The following TRAIP variants were observed in gnomAD, a reference collection of about 807,000 sequenced individuals.
TRAIP encodes E3 ubiquitin-protein ligase TRAIP.
In TRAIP, 37 loss-of-function variants were observed where a neutral mutation model predicts 65.0. The observed-to-expected ratio is 0.57, with a 90% CI of 0.44 to 0.75. TRAIP has a LOEUF of 0.75. Ranked by LOEUF, TRAIP falls within the 30% of genes least tolerant of loss-of-function variation. The pLI, the probability that TRAIP is intolerant of heterozygous loss-of-function variation, is 0.00. For synonymous variants in TRAIP, 187 were observed against 219.1 expected, an observed-to-expected ratio of 0.85 and a Z score of 1.29; for missense variants, 481 against 579.4, an observed-to-expected ratio of 0.83 and a Z score of 1.74.
chr3:49,832,135 A>G lies in TRAIP; in HGVS notation c.885-67T>C. The stretch of plus-strand genomic sequence containing the variant: ...AACCCAGGACAACAGCTCCTGAAGC[A>G]TCAGAGATAACTCAGCTCCAGGGAC... On this transcript the variant is annotated intron_variant, in intron 10 of 14. Transcript: ENST00000331456. The G allele has an allele frequency of 2.7e-6, 4 of 1,460,944 alleles. No individual in the cohort carries two copies. The East Asian group carries it at 1.0e-4, about 37-fold the overall frequency. The allele number at this position is 1,460,944 out of a possible 1,614,324, so 90.5% of individuals were successfully genotyped here.
At chr3:49,852,132 G>A (rs1385675236) in intron 1 of TRAIP, among the ~76,000 whole-genome samples, 1 of 151,546 alleles carries the variant, frequency 6.6e-6, no homozygotes, top group Non-Finnish European at 1.5e-5. Context: ...ACTTTGGGAG[G>A]CCGAGGCGGG....
intron 5 of TRAIP, chr3:49,843,592 A>T: frequency 1.7e-6 from 1 of 591,380 alleles, no homozygotes; most frequent in Non-Finnish European, 2.9e-6. Context: ...TACAAAACCC[A>T]CAAGTATAGC....
intron 10 of TRAIP, among the ~76,000 whole-genome samples, chr3:49,834,190 G>A (rs1292361751): frequency 2.6e-5 from 4 of 152,196 alleles, no homozygotes; most frequent in Non-Finnish European, 5.9e-5. Flanking sequence ...CTAGCCTGGA[G>A]TTCAGGGGCC....
At position 49,828,950 on chromosome 3, in the gene TRAIP, C is replaced by A; in HGVS notation, c.*153G>T. On this transcript the variant is annotated 3_prime_UTR_variant, in exon 15 of 15. Transcript: ENST00000331456. ...GCAGGGTGAGGGCAGGAAGAGCAGT[C>A]TCTGGGTGCCACACTCACCCTCACC... The A allele has an allele frequency of 4.8e-6, 5 of 1,038,332 alleles. No individual in the cohort carries two copies. The highest frequency in any genetic ancestry group is 7.2e-6 in the Non-Finnish European group (5 of 691,482). 64.3% of individuals were successfully genotyped at this position (1,038,332 alleles called of 1,614,324 possible). A position where few individuals can be genotyped will look rare whatever the true frequency, so the allele number is the denominator to read the frequency against.
chr3:49,838,529 G>A (rs569472382), intron 10 of TRAIP, among the ~76,000 whole-genome samples: 3 of 152,216 alleles, frequency 2.0e-5, no homozygotes, highest in Non-Finnish European at 4.4e-5. Flanking sequence ...CCATGCAGTG[G>A]GCACTCATCA....
chr3:49,849,945 C>T (rs1011399862), intron 1 of TRAIP, among the ~76,000 whole-genome samples: 1 of 148,108 alleles, frequency 6.8e-6, no homozygotes, highest in African/African-American at 2.5e-5. Flanking sequence ...CTCCCAGGCT[C>T]GAGCAATCCT....
rs2081705323 is a variant in TRAIP at position 49,828,812 on chromosome 3, A to G, written c.*291T>C. The G allele has an allele frequency of 5.5e-6, 2 of 363,128 alleles. No individual in the cohort carries two copies. Among genetic ancestry groups the G allele is most frequent in the Admixed American group, 7.3e-5 (2 of 27,390 alleles). The allele number at this position is 363,128 out of a possible 1,614,324, so 22.5% of individuals were successfully genotyped here. On this transcript the variant is annotated 3_prime_UTR_variant, in exon 15 of 15. Transcript: ENST00000331456. Reference sequence around the variant, plus strand: ...AAGTGACCGTGGTCTCCAGGCCCAGAAAGAGTCTGACCACATCTGATCATG... The same window carrying G: ...AAGTGACCGTGGTCTCCAGGCCCAGGAAGAGTCTGACCACATCTGATCATG...
rs756300840 is a variant in TRAIP, at chr3:49,841,065, C to T, written c.625G>A (p.Glu209Lys). ...GCCTTCCGTGCCTCTTTTAGATTCTCGTACTCTCTGCAATGTGGCCATGGA... is the reference window on the plus strand; with the variant it reads ...GCCTTCCGTGCCTCTTTTAGATTCTTGTACTCTCTGCAATGTGGCCATGGA... ...VYCVSLKKEY[E>K]NLKEARKASG... The change falls in exon 8 of 15, where the codon GAG (glutamate) becomes AAG (lysine). Residue 209 changes from glutamate (E) to lysine (K), a missense_variant. By Grantham distance (56) the Glu-to-Lys change is moderately conservative. Transcript: ENST00000331456. 36 of 1,614,130 alleles carry T rather than the reference C, an allele frequency of 2.2e-5. No individual in the cohort carries two copies. The highest frequency in any genetic ancestry group is 1.7e-4 in the Middle Eastern group (1 of 6,060).
intron 10 of TRAIP, 25 bp downstream of exon 10, chr3:49,839,747 C>G (rs761631853): frequency 6.2e-7 from 1 of 1,607,516 alleles, no homozygotes; most frequent in Admixed American, 1.7e-5. Context: ...CTTGTGACCC[C>G]TGTACCGCCC....
intron 8 of TRAIP, 101 bp from the exon 9 acceptor site, chr3:49,840,474 G>A (rs963927230): frequency 2.0e-5 from 19 of 953,634 alleles, no homozygotes; most frequent in Non-Finnish European, 3.0e-5. Flanking sequence ...GCCCAGAAGA[G>A]ACTAGAGATA....
intron 5 of TRAIP, 36 bp downstream of exon 5, chr3:49,843,765 C>G (rs753720257): frequency 6.3e-7 from 1 of 1,597,662 alleles, no homozygotes; most frequent in Admixed American, 1.7e-5. Context: ...CAATACCTCC[C>G]TATGAATTCT....
At chr3:49,830,259 G>A (rs1415024700) in intron 11 of TRAIP, among the ~76,000 whole-genome samples, 191 bp from the exon 12 acceptor site, 1 of 152,212 alleles carries the variant, frequency 6.6e-6, no homozygotes, top group Non-Finnish European at 1.5e-5. Context: ...ACAGCCAGTA[G>A]GGTGGCAGAG....
chr3:49,843,838 G>A lies in TRAIP; in HGVS notation c.371C>T (p.Ala124Val), dbSNP rs765200253. 3 of 1,613,836 alleles carry A rather than the reference G, an allele frequency of 1.9e-6. No individual in the cohort carries two copies. The highest frequency in any genetic ancestry group is 1.7e-6 in the Non-Finnish European group (2 of 1,179,704). Residue 124 changes from alanine to valine, a missense_variant, in exon 5 of 15, where the codon GCC becomes GTC. Coordinates refer to ENST00000331456, the MANE Select transcript of TRAIP (RefSeq NM_005879.3). Reference protein sequence around the residue: ...RNATVVSLQQALGKAEMLCST... With the variant: ...RNATVVSLQQVLGKAEMLCST... The stretch of plus-strand genomic sequence containing the variant: ...GCACAGCATCTCGGCCTTGCCCAAG[G>A]CCTGCTGCAGAGATACCACAGTAGC...
chr3:49,831,158 G>T (rs1370243276), intron 11 of TRAIP, among the ~76,000 whole-genome samples: 1 of 152,212 alleles, frequency 6.6e-6, no homozygotes, highest in Non-Finnish European at 1.5e-5. Flanking sequence ...GCCCCCTGAG[G>T]TTTGGGAGGT....
intron 1 of TRAIP, among the ~76,000 whole-genome samples, chr3:49,855,326 T>C (rs941842345): frequency 5.9e-5 from 9 of 152,056 alleles, no homozygotes; most frequent in African/African-American, 1.9e-4. Flanking sequence ...CGCACGCCTG[T>C]AATGTCAGCT....
At chr3:49,839,734 C>T in intron 10 of TRAIP, 38 bp downstream of exon 10, 1 of 1,582,454 alleles carries the variant, frequency 6.3e-7, no homozygotes. Context: ...AAAGCTCTCC[C>T]ACCTTGTGAC....
At position 49,856,426 on chromosome 3, in the gene TRAIP, A is replaced by T; in HGVS notation, c.28T>A (p.Cys10Ser). 6.2e-7 allele frequency: 1 copy of T among 1,614,220 alleles called. No individual in the cohort carries two copies. The highest frequency in any genetic ancestry group is 8.5e-7 in the Non-Finnish European group (1 of 1,180,028). ...CGGGAGTGATCGAAGAAGTCGGAGC[A>T]GATAGTGCACAGAGCACGGATAGGC... Reference protein sequence around the residue: MPIRALCTICSDFFDHSRDV... With the variant: MPIRALCTISSDFFDHSRDV... Residue 10 changes from cysteine (C) to serine (S), a missense_variant, in exon 1 of 15, where the codon TGC (cysteine) becomes AGC (serine). Transcript: ENST00000331456.
At chr3:49,855,203 A>G (rs951311168) in intron 1 of TRAIP, among the ~76,000 whole-genome samples, 34 of 152,378 alleles carry the variant, frequency 2.2e-4, no homozygotes, top group African/African-American at 7.9e-4. Context: ...AGGCCCTAGC[A>G]CTTTGAGAGG....
intron 7 of TRAIP, among the ~76,000 whole-genome samples, chr3:49,841,488 G>A (rs1205879293): frequency 6.6e-6 from 1 of 152,210 alleles, no homozygotes; most frequent in Non-Finnish European, 1.5e-5. Context: ...TGCTAATGGG[G>A]AACAGGCTCT....
Sources: allele counts gnomAD v4.1 joint callset (sites outside exome capture counted in the v4.1 genomes callset), GRCh38; gene constraint gnomAD v4.1.1; transcripts MANE v1.5; gene names NCBI Gene and HGNC (gene_info 2026-07-23, HGNC 2026-07-21).